The following SKIC8 variants were observed in gnomAD, a reference collection of about 807,000 sequenced individuals.
SKIC8 encodes the protein superkiller complex protein 8.
chr15:78,295,401 C>CTTTTTTTTTTTTT, the SKIC8 span: 1 of 393,862 alleles, frequency 2.5e-6, no homozygotes, highest in Non-Finnish European at 4.6e-6. Context: ...CTATTCTGAT[C>CTTTTTTTTTTTTT]TTTTTTTTTT....
At chr15:78,291,340 C>T in the SKIC8 span, 3 of 152,136 alleles carry the variant, frequency 2.0e-5, no homozygotes, top group African/African-American at 2.4e-5. Flanking sequence ...CTGTCTCTTC[C>T]TCTTTTCTTA....
chr15:78,296,550 AC>A, the SKIC8 span, among the ~76,000 whole-genome samples: 1 of 141,648 alleles, frequency 7.1e-6, no homozygotes, highest in Non-Finnish European at 1.5e-5. Flanking sequence ...TTGCTCCATC[AC>A]CCAGACTGGA....
At chr15:78,296,562 G>A in the SKIC8 span, among the ~76,000 whole-genome samples, 2 of 86,702 alleles carry the variant, frequency 2.3e-5, no homozygotes, top group African/African-American at 9.4e-5. Context: ...CCAGACTGGA[G>A]TGCAGTGGCA....
chr15:78,299,409 T>A, the SKIC8 span: 2 of 152,626 alleles, frequency 1.3e-5, no homozygotes, highest in African/African-American at 4.8e-5. Flanking sequence ...AATGGAGCCA[T>A]GGAAGCCACC....
At chr15:78,293,029 G>C in the SKIC8 span, 1 of 835,532 alleles carries the variant, frequency 1.2e-6, no homozygotes, top group African/African-American at 1.7e-5. Context: ...GGAAAAATAA[G>C]CTGCTGTTTT....
At chr15:78,288,051 A>G in the SKIC8 span, among the ~76,000 whole-genome samples, 1 of 152,190 alleles carries the variant, frequency 6.6e-6, no homozygotes, top group African/African-American at 2.4e-5. Context: ...AGGCTGCCTG[A>G]GAAAAAGTAG....
the SKIC8 span, chr15:78,291,353 A>G: frequency 6.6e-6 from 1 of 152,142 alleles, no homozygotes; most frequent in Non-Finnish European, 1.5e-5. Flanking sequence ...TTTTCTTAAG[A>G]CCATGCTTAT....
At chr15:78,285,364 A>G in the SKIC8 span, 3 of 1,611,172 alleles carry the variant, frequency 1.9e-6, no homozygotes, top group Non-Finnish European at 2.5e-6. Flanking sequence ...GAACATTAGT[A>G]TCGGTTTGAA....
chr15:78,292,747 T>G, the SKIC8 span: 1 of 1,614,186 alleles, frequency 6.2e-7, no homozygotes, highest in Non-Finnish European at 8.5e-7. Context: ...TCCCAGCTGA[T>G]GTCCCTCCAG....
chr15:78,284,122 CTAATCATAAA>C, the SKIC8 span: 1 of 152,164 alleles, frequency 6.6e-6, no homozygotes, highest in East Asian at 1.9e-4. Flanking sequence ...TGGAGTTTCT[CTAATCATAAA>C]TAACTTCCTG....
the SKIC8 span, chr15:78,293,145 AT>A: frequency 1.2e-6 from 2 of 1,604,686 alleles, no homozygotes; most frequent in Non-Finnish European, 1.7e-6. Flanking sequence ...CCAAGGCTGT[AT>A]GTTAGGGGAG....
the SKIC8 span, chr15:78,294,960 A>T: frequency 6.2e-7 from 1 of 1,614,172 alleles, no homozygotes. Context: ...CTCTTGTTTG[A>T]AGAGAATACC....
chr15:78,292,925 G>GA, the SKIC8 span: 1 of 1,108,630 alleles, frequency 9.0e-7, no homozygotes, highest in Non-Finnish European at 1.3e-6. Context: ...ATGAGCTACA[G>GA]AACACCAAAT....
chr15:78,298,573 C>G, the SKIC8 span, among the ~76,000 whole-genome samples: 5 of 152,108 alleles, frequency 3.3e-5, no homozygotes, highest in African/African-American at 1.2e-4. Context: ...TTGTTATTCT[C>G]TTATTGTGCC....
At chr15:78,285,604 T>G in the SKIC8 span, 2 of 541,230 alleles carry the variant, frequency 3.7e-6, no homozygotes, top group Non-Finnish European at 6.6e-6. Flanking sequence ...GAGGGAGGCC[T>G]GTTAAAGCTT....
the SKIC8 span, among the ~76,000 whole-genome samples, chr15:78,289,429 C>G: frequency 6.7e-6 from 1 of 148,276 alleles, no homozygotes; most frequent in South Asian, 2.1e-4. Context: ...AACAAACAAA[C>G]AAAAAAACAA....
chr15:78,295,940 A>C, the SKIC8 span: 1 of 410,202 alleles, frequency 2.4e-6, no homozygotes, highest in East Asian at 3.6e-5. Context: ...CTAACAGCTA[A>C]TTCTATCCCA....
the SKIC8 span, chr15:78,283,437 T>C: frequency 1.2e-6 from 2 of 1,613,328 alleles, no homozygotes; most frequent in Non-Finnish European, 1.7e-6. Flanking sequence ...GATGTTTAAA[T>C]TGGACAATCA....
At chr15:78,293,556 T>C in the SKIC8 span, among the ~76,000 whole-genome samples, 65,623 of 151,882 alleles carry the variant, frequency 0.43, 14,556 homozygotes, top group Admixed American at 0.52. Flanking sequence ...TATATAGGAG[T>C]CTACAATGGC....
Sources: gnomAD v4.1 joint callset for allele counts (sites outside exome capture counted in the v4.1 genomes callset) on GRCh38, gnomAD v4.1.1 for gene constraint, MANE v1.5 for transcripts, NCBI Gene and HGNC (gene_info 2026-07-23, HGNC 2026-07-21) for gene names.